The following NFIA variants were observed in gnomAD, a reference collection of about 807,000 sequenced individuals.
NFIA encodes the protein nuclear factor I A, also known as nuclear factor 1 A-type.
Under a neutral mutation model 62.8 loss-of-function variants are expected in NFIA, and 8 were observed. That is an observed-to-expected ratio of 0.13 (90% CI 0.07 to 0.23). NFIA has a LOEUF of 0.23. Ranked by LOEUF, NFIA falls within the 10% of genes least tolerant of loss-of-function variation. NFIA has a pLI of 1.00. For missense variants in NFIA, 410 were observed against 642.1 expected, an observed-to-expected ratio of 0.64 and a Z score of 3.91; for synonymous variants, 235 against 238.1, an observed-to-expected ratio of 0.99 and a Z score of 0.12.
At chr1:61,305,663 G>A (rs1659730892) in intron 3 of NFIA, among the ~76,000 whole-genome samples, 2 of 152,002 alleles carry the variant, frequency 1.3e-5, no homozygotes, top group South Asian at 2.1e-4. Context: ...GAAACAGAAG[G>A]GAAGACCATC....
At chr1:61,351,010 CAT>C (rs1347016519) in intron 4 of NFIA, among the ~76,000 whole-genome samples, 4 of 152,180 alleles carry the variant, frequency 2.6e-5, no homozygotes, top group Non-Finnish European at 5.9e-5. Flanking sequence ...GGGAAAGTGA[CAT>C]GTGTTCAGTA....
chr1:61,295,317 T>A (rs182952475), intron 3 of NFIA, among the ~76,000 whole-genome samples: 1 of 152,278 alleles, frequency 6.6e-6, no homozygotes, highest in East Asian at 1.9e-4. Flanking sequence ...CAGAGTAAAC[T>A]AGGAGTGGGC....
intron 2 of NFIA, among the ~76,000 whole-genome samples, chr1:61,189,708 C>T (rs1449583813): frequency 6.6e-6 from 1 of 152,146 alleles, no homozygotes; most frequent in Non-Finnish European, 1.5e-5. Context: ...GCGTCTCCAG[C>T]TTTCAAGTCA....
intron 4 of NFIA, among the ~76,000 whole-genome samples, chr1:61,333,168 C>T (rs1026229806): frequency 4.6e-5 from 7 of 151,760 alleles, no homozygotes; most frequent in Admixed American, 1.3e-4. Context: ...TGTTCCAGGT[C>T]CCAGTAAGAA....
Position 61,088,697 on chromosome 1 carries a change from G to C in NFIA, c.559+17G>C, listed in dbSNP as rs779571825. The C allele has an allele frequency of 1.1e-5, 18 of 1,594,120 alleles. No individual in the cohort carries two copies. The highest frequency in any genetic ancestry group is 1.5e-5 in the Non-Finnish European group (18 of 1,169,604). The stretch of plus-strand genomic sequence containing the variant: ...ATGCAGCAGGTAAGTGCGATGGTGA[G>C]AATTCCTCCCACTTTCTTGTGTGTG... On this transcript the variant is annotated intron_variant, in intron 2 of 10. Transcript: ENST00000403491. The surrounding 1 kb of genome is among the most constrained non-coding windows in gnomAD (Gnocchi z 4.5).
chr1:61,272,703 C>T (rs556193553), intron 2 of NFIA, among the ~76,000 whole-genome samples: 2 of 152,254 alleles, frequency 1.3e-5, no homozygotes, highest in East Asian at 3.9e-4. Flanking sequence ...AGTGTAATCA[C>T]CCTTACTCCT....
chr1:61,344,738 G>A (rs1662121409), intron 4 of NFIA, among the ~76,000 whole-genome samples: 1 of 152,180 alleles, frequency 6.6e-6, no homozygotes, highest in Non-Finnish European at 1.5e-5. Context: ...ACCATAGGCT[G>A]GACAAACTAG....
intron 2 of NFIA, among the ~76,000 whole-genome samples, chr1:61,213,939 T>C (rs1270576405): frequency 6.6e-6 from 1 of 152,006 alleles, no homozygotes; most frequent in East Asian, 1.9e-4. Context: ...TTTTCATGAG[T>C]AGCAGGGAAG....
At chr1:61,157,971 A>G (rs1336253240) in intron 2 of NFIA, among the ~76,000 whole-genome samples, 1 of 152,246 alleles carries the variant, frequency 6.6e-6, no homozygotes, top group Non-Finnish European at 1.5e-5. Flanking sequence ...TCCCACTGTT[A>G]AAAGTTATTT....
chr1:61,434,787 T>C (rs1354553936), intron 10 of NFIA, among the ~76,000 whole-genome samples: 1 of 152,100 alleles, frequency 6.6e-6, no homozygotes. Context: ...AATATTAAAG[T>C]GAGAACAGTG....
intron 1 of NFIA, among the ~76,000 whole-genome samples, chr1:61,086,240 A>G (rs1337189786): frequency 1.3e-5 from 2 of 152,078 alleles, no homozygotes; most frequent in Admixed American, 6.5e-5. Context: ...AAATCAGTCA[A>G]TGTGAAGTTC....
At position 61,441,500 on chromosome 1, in the gene NFIA, G is replaced by A. The variant is rs550023196; in HGVS notation, c.1513-13803G>A. Among the ~76,000 whole-genome samples, 507 of 152,282 alleles carry A rather than the reference G, an allele frequency of 3.3e-3. 2 individuals are homozygous for A. Among genetic ancestry groups the A allele is most frequent in the Non-Finnish European group, 4.4e-3 (296 of 68,034 alleles). ...AAAGTGCTTCTACATGAGGCAGGTT[G>A]TAGGGAGGACCTTTGATTTAAAGTT... is the stretch of plus-strand genomic sequence containing the variant. On this transcript the variant is annotated intron_variant, in intron 10 of 10. Transcript: ENST00000403491.
At chr1:61,341,060 C>CTTTTTTTTTTT (rs35203949) in intron 4 of NFIA, among the ~76,000 whole-genome samples, 1 of 108,792 alleles carries the variant, frequency 9.2e-6, no homozygotes, top group Non-Finnish European at 1.8e-5. Context: ...TACCGGCATT[C>CTTTTTTTTTTT]TTTTTTTTTT....
intron 7 of NFIA, among the ~76,000 whole-genome samples, chr1:61,394,283 C>T (rs1665156778): frequency 6.6e-6 from 1 of 152,202 alleles, no homozygotes; most frequent in Non-Finnish European, 1.5e-5. Flanking sequence ...AAGCAATTCT[C>T]CTACCTCAGC....
intron 2 of NFIA, among the ~76,000 whole-genome samples, chr1:61,162,811 T>G (rs1570292360): frequency 6.6e-6 from 1 of 150,520 alleles, no homozygotes; most frequent in African/African-American, 2.5e-5. Flanking sequence ...ATAAAACTCT[T>G]TCAACCTTTT....
At position 61,387,195 on chromosome 1, in the gene NFIA, C is replaced by G. The variant is rs143197232; in HGVS notation, c.1075+3830C>G. On this transcript the variant is annotated intron_variant, in intron 7 of 10. Coordinates refer to ENST00000403491, the MANE Select transcript of NFIA (RefSeq NM_001134673.4). Reference sequence around the variant, plus strand: ...GATAGGCTGGTGTCTGAATCTCTGTCCACTACTTGGCACATTGCTTTTCTC... The same window carrying G: ...GATAGGCTGGTGTCTGAATCTCTGTGCACTACTTGGCACATTGCTTTTCTC... Among the ~76,000 whole-genome samples, 390 of 152,164 alleles carry G rather than the reference C, an allele frequency of 2.6e-3. 3 individuals are homozygous for G. Among genetic ancestry groups the G allele is most frequent in the African/African-American group, 8.9e-3 (371 of 41,534 alleles).
intron 2 of NFIA, among the ~76,000 whole-genome samples, chr1:61,160,200 C>T (rs334710): frequency 0.89 from 134,966 of 152,120 alleles, 60,459 homozygotes; most frequent in Middle Eastern, 0.96. Flanking sequence ...TCCCCTGTTG[C>T]GTCATCTTTA....
chr1:61,391,147 ACCTCCTAGGCTCAAGGGAT>A (rs1205599135), intron 7 of NFIA, among the ~76,000 whole-genome samples: 1 of 151,936 alleles, frequency 6.6e-6, no homozygotes, highest in African/African-American at 2.4e-5. Flanking sequence ...TGCAGCCTCG[ACCTCCTAGGCTCAAGGGAT>A]CCTCCTGCCT....
chr1:61,251,324 G>C (rs774325728), intron 2 of NFIA: 5 of 152,162 alleles, frequency 3.3e-5, no homozygotes, highest in Non-Finnish European at 5.9e-5. Flanking sequence ...AGTTAATTTG[G>C]TTTTGAGTTC....
Sources: gnomAD v4.1 joint callset for allele counts (sites outside exome capture counted in the v4.1 genomes callset) on GRCh38, gnomAD v4.1.1 for gene constraint, Gnocchi (gnomAD v3.1) non-coding constraint, MANE v1.5 for transcripts, NCBI Gene and HGNC (gene_info 2026-07-23, HGNC 2026-07-21) for gene names.